Variants in ANKRD2 observed in about 807,000 individuals in gnomAD.
ANKRD2 encodes the protein ankyrin repeat domain-containing protein 2.
A neutral mutation model predicts 37.3 loss-of-function variants in ANKRD2; 35 were observed. The ratio of observed to expected loss-of-function variants is 0.94; its 90% CI spans 0.72 to 1.24. The LOEUF (loss-of-function observed/expected upper bound fraction) is 1.24. ANKRD2 is among the 50% of genes most tolerant of loss of function. ANKRD2 has a pLI of 0.00. For missense variants in ANKRD2, 410 were observed against 445.6 expected (o/e 0.92, Z 0.72); for synonymous variants, 159 against 186.5 (o/e 0.85, Z 1.20).
At chr10:97,574,288 A>G (rs983306655) in intron 1 of ANKRD2, among the ~76,000 whole-genome samples, 48 of 152,082 alleles carry the variant, frequency 3.2e-4, no homozygotes, top group Non-Finnish European at 6.6e-4. Flanking sequence ...GTCTCAAAAA[A>G]AAAAAAAAGG....
intron 1 of ANKRD2, among the ~76,000 whole-genome samples, chr10:97,576,795 C>A (rs2040832042): frequency 6.6e-6 from 1 of 151,884 alleles, no homozygotes; most frequent in Non-Finnish European, 1.5e-5. Context: ...CTCCTGGGTT[C>A]AAGTGATTCT....
intron 2 of ANKRD2, 73 bp from the exon 3 acceptor site, chr10:97,578,167 C>CCGAAA: frequency 7.0e-7 from 1 of 1,437,972 alleles, no homozygotes; most frequent in Non-Finnish European, 9.4e-7. Context: ...TCCCCACCAG[C>CCGAAA]TTAGCTCAGA....
chr10:97,582,796 C>A, intron 8 of ANKRD2, 94 bp downstream of exon 8: 1 of 1,127,070 alleles, frequency 8.9e-7, no homozygotes. Context: ...CGCCTAGGGA[C>A]ATGTATCATT....
In ANKRD2 at chr10:97,578,404, G is replaced by A; in HGVS notation, c.348+6G>A. The A allele has an allele frequency of 1.2e-6, 2 of 1,613,682 alleles. No individual in the cohort carries two copies. The highest frequency in any genetic ancestry group is 1.7e-6 in the Non-Finnish European group (2 of 1,179,806). On this transcript the variant is annotated splice_donor_region_variant and intron_variant, in intron 3 of 8. Transcript: ENST00000370655. ...CCCCAGAGCCCGAGGAGATCGTAAG[G>A]GTCCTGGGGAGGACACCGCGAGGGG...
chr10:97,578,679 C>G, intron 4 of ANKRD2, 74 bp downstream of exon 4: 1 of 1,213,180 alleles, frequency 8.2e-7, no homozygotes, highest in Non-Finnish European at 1.2e-6. Flanking sequence ...CCTGGGTCAG[C>G]CCACTGTGAG....
At chr10:97,576,666 T>TA (rs2040829625) in intron 1 of ANKRD2, among the ~76,000 whole-genome samples, 1 of 141,436 alleles carries the variant, frequency 7.1e-6, no homozygotes, top group African/African-American at 2.6e-5. Flanking sequence ...TTTTAAAACT[T>TA]ATTTTATTTA....
intron 1 of ANKRD2, among the ~76,000 whole-genome samples, 183 bp from the exon 2 acceptor site, chr10:97,577,617 G>A (rs2040840973): frequency 6.6e-6 from 1 of 152,186 alleles, no homozygotes; most frequent in Non-Finnish European, 1.5e-5. Context: ...GCTGAGGTGG[G>A]GAACTCACCC....
chr10:97,572,465 C>T (rs981748164), upstream of ANKRD2: 2 of 526,420 alleles, frequency 3.8e-6, no homozygotes, highest in Admixed American at 3.2e-5. Context: ...GCCAGCAGTT[C>T]CCTTTTGCAA....
At chr10:97,575,476 T>C (rs2040815974) in intron 1 of ANKRD2, among the ~76,000 whole-genome samples, 1 of 152,182 alleles carries the variant, frequency 6.6e-6, no homozygotes, top group Non-Finnish European at 1.5e-5. Flanking sequence ...TCACAGATGC[T>C]GGGGACACCA....
rs1367442438 is a variant in ANKRD2, at chr10:97,582,526, G to T, written c.754-78G>T. ...CTTCAGGACTTGGCTCCTGAGCAGG[G>T]TCTCCAGCCCACCTCCCATCACCCT... On this transcript the variant is annotated intron_variant, in intron 7 of 8. Transcript: ENST00000370655. 6.4e-6 allele frequency: 10 copies of T among 1,571,148 alleles called. No individual in the cohort carries two copies. The Admixed American group carries it at 1.7e-4, about 26-fold the overall frequency.
At chr10:97,574,299 G>A (rs1206639659) in intron 1 of ANKRD2, among the ~76,000 whole-genome samples, 1 of 151,978 alleles carries the variant, frequency 6.6e-6, no homozygotes, top group Non-Finnish European at 1.5e-5. Flanking sequence ...AAAAAAAAGG[G>A]GACTCCTCTG....
intron 1 of ANKRD2, among the ~76,000 whole-genome samples, chr10:97,573,673 C>T (rs1438757619): frequency 6.6e-6 from 1 of 152,170 alleles, no homozygotes; most frequent in Non-Finnish European, 1.5e-5. Flanking sequence ...ATGATCCACC[C>T]ACCTTGGCCT....
intron 1 of ANKRD2, among the ~76,000 whole-genome samples, chr10:97,575,209 GTC>G (rs1291119862): frequency 2.6e-5 from 4 of 152,206 alleles, no homozygotes; most frequent in Non-Finnish European, 5.9e-5. Context: ...GTCCCCAGTT[GTC>G]TCTACCAGGC....
intron 2 of ANKRD2, 125 bp downstream of exon 2, chr10:97,578,026 C>T (rs2040846779): frequency 2.7e-6 from 3 of 1,105,228 alleles, no homozygotes; most frequent in South Asian, 3.2e-5. Context: ...CTTGCTAGCC[C>T]TGCAGAATCT....
At chr10:97,580,174 A>T (rs2040879566) in intron 4 of ANKRD2, among the ~76,000 whole-genome samples, 1 of 152,194 alleles carries the variant, frequency 6.6e-6, no homozygotes, top group South Asian at 2.1e-4. Flanking sequence ...AAACAAAAAA[A>T]GCAAAACAAA....
In ANKRD2 at chr10:97,578,606, G is replaced by A. The variant is rs555582146; in HGVS notation, c.456+1G>A. On this transcript the variant is annotated splice_donor_variant, in intron 4 of 8. Transcript: ENST00000370655. LOFTEE classifies it high-confidence loss of function. Reference sequence around the variant, plus strand: ...GGGGTCAGCCGACACGTGCGACCAGGTGATGCTCCTAGCCGCCCCTGACCA... The same window carrying A: ...GGGGTCAGCCGACACGTGCGACCAGATGATGCTCCTAGCCGCCCCTGACCA... 3.2e-6 allele frequency: 5 copies of A among 1,552,002 alleles called. No individual in the cohort carries two copies. In the African/African-American group the frequency reaches 6.8e-5, roughly 21 times the overall value.
At chr10:97,580,349 G>A (rs1589894677) in intron 4 of ANKRD2, among the ~76,000 whole-genome samples, 1 of 152,272 alleles carries the variant, frequency 6.6e-6, no homozygotes, top group East Asian at 1.9e-4. Context: ...AAGGAGAAGG[G>A]GAAAAGTTTA....
chr10:97,577,967 C>T lies in ANKRD2; in HGVS notation c.189+66C>T. On this transcript the variant is annotated intron_variant, in intron 2 of 8. Coordinates refer to ENST00000370655, the MANE Select transcript of ANKRD2 (RefSeq NM_001346793.2). ...GCCAGGTAGCCATGGCCTGTCTGCA[C>T]CTCTCCCCACGTGGCCCATGGACCA... 2.1e-6 allele frequency: 3 copies of T among 1,441,152 alleles called. No individual in the cohort carries two copies. The South Asian group carries it at 4.0e-5, about 19-fold the overall frequency. The allele number at this position is 1,441,152 out of a possible 1,614,324, so 89.3% of individuals were successfully genotyped here.
chr10:97,577,999 C>A, intron 2 of ANKRD2, 98 bp downstream of exon 2: 1 of 1,233,206 alleles, frequency 8.1e-7, no homozygotes, highest in Non-Finnish European at 1.1e-6. Context: ...ACCAGCAGTT[C>A]AGCACCCCCG....
Sources: allele counts gnomAD v4.1 joint callset (sites outside exome capture counted in the v4.1 genomes callset), GRCh38; gene constraint gnomAD v4.1.1; transcripts MANE v1.5; gene names NCBI Gene and HGNC (gene_info 2026-07-23, HGNC 2026-07-21).